Variants in WDFY2 observed in about 807,000 individuals in gnomAD.
The protein encoded by WDFY2 is WD repeat and FYVE domain containing 2.
In WDFY2, 36 loss-of-function variants were observed where a neutral mutation model predicts 56.4. That is an observed-to-expected ratio of 0.64 (90% CI 0.49 to 0.84). The LOEUF (loss-of-function observed/expected upper bound fraction) is 0.84, where lower values mean the gene tolerates loss of function less well. Among genes scored for constraint, WDFY2 ranks in the 40% least tolerant of loss-of-function variants. The pLI, the probability that WDFY2 is intolerant of heterozygous loss-of-function variation, is 0.00. For missense variants in WDFY2, 444 were observed against 512.2 expected (o/e 0.87, Z 1.29); for synonymous variants, 176 against 183.7 (o/e 0.96, Z 0.34).
chr13:51,679,957 C>T (rs1344501268), intron 3 of WDFY2, among the ~76,000 whole-genome samples: 2 of 152,142 alleles, frequency 1.3e-5, no homozygotes, highest in Non-Finnish European at 2.9e-5. Context: ...TGGAGTCTCG[C>T]TCTGTTGCCC....
intron 4 of WDFY2, among the ~76,000 whole-genome samples, chr13:51,715,981 C>G (rs538950309): frequency 6.6e-6 from 1 of 152,122 alleles, no homozygotes; most frequent in African/African-American, 2.4e-5. Context: ...GAAATAACCT[C>G]AATGTCCATC....
chr13:51,612,275 G>A (rs1954518522), intron 1 of WDFY2, among the ~76,000 whole-genome samples: 1 of 152,056 alleles, frequency 6.6e-6, no homozygotes, highest in African/African-American at 2.4e-5. Flanking sequence ...TCCCTGTTTA[G>A]GAGGGAACTG....
Position 51,739,104 on chromosome 13 carries a change from T to C in WDFY2, c.654T>C (p.Ser218=), listed in dbSNP as rs1275904683. The change falls in exon 7 of 12, where the codon AGT becomes AGC. Residue 218 remains serine (S), a synonymous_variant. Transcript: ENST00000298125. The stretch of plus-strand genomic sequence containing the variant: ...TCCAGCGGGTGTTGTTCTCAGGCAG[T>C]TCAGATCACTCTGTCATCATGTGGG... The part of the protein sequence containing the change: ...DPVQRVLFSG[S]SDHSVIMWDI... 1.9e-6 allele frequency: 3 copies of C among 1,603,586 alleles called. No homozygotes were observed. Among genetic ancestry groups the C allele is most frequent in the East Asian group, 4.5e-5 (2 of 44,350 alleles).
chr13:51,697,718 A>T (rs911801948), intron 3 of WDFY2, among the ~76,000 whole-genome samples: 9 of 152,180 alleles, frequency 5.9e-5, no homozygotes, highest in Non-Finnish European at 1.0e-4. Flanking sequence ...TTACGTAGCC[A>T]TTAAAATTCA....
chr13:51,602,778 T>C (rs533025908), intron 1 of WDFY2, among the ~76,000 whole-genome samples: 1 of 152,356 alleles, frequency 6.6e-6, no homozygotes, highest in East Asian at 1.9e-4. Flanking sequence ...AAATGACTAG[T>C]ATGACCTCCC....
At chr13:51,642,846 A>C (rs895420787) in intron 1 of WDFY2, among the ~76,000 whole-genome samples, 1 of 151,772 alleles carries the variant, frequency 6.6e-6, no homozygotes, top group African/African-American at 2.4e-5. Flanking sequence ...ATACCCAGCT[A>C]ATTTTTGTAT....
chr13:51,748,902 C>T (rs1467895045), intron 7 of WDFY2, among the ~76,000 whole-genome samples: 1 of 152,118 alleles, frequency 6.6e-6, no homozygotes, highest in Non-Finnish European at 1.5e-5. Context: ...TCATTTTTCT[C>T]TTTCATATTC....
At chr13:51,593,649 T>C (rs1954092529) in intron 1 of WDFY2, among the ~76,000 whole-genome samples, 1 of 152,198 alleles carries the variant, frequency 6.6e-6, no homozygotes. Flanking sequence ...GGCTGACTGG[T>C]GAATATTTTT....
At position 51,759,981 on chromosome 13, in the gene WDFY2, A is replaced by C. The variant is rs73494140; in HGVS notation, c.*212A>C. 602 of 499,834 alleles carry C rather than the reference A, an allele frequency of 1.2e-3. 2 individuals are homozygous for C. The highest frequency in any genetic ancestry group is 0.01 in the African/African-American group (528 of 52,476). The allele number at this position is 499,834 out of a possible 1,614,324, so 31.0% of individuals were successfully genotyped here. A position where few individuals can be genotyped will look rare whatever the true frequency, so the allele number is the denominator to read the frequency against. On this transcript the variant is annotated 3_prime_UTR_variant, in exon 12 of 12. Coordinates refer to ENST00000298125, the MANE Select transcript of WDFY2 (RefSeq NM_052950.4). Reference sequence around the variant, plus strand: ...CCAACTTGTTCATACAATATAAAAGAAGCTATTTTTTTAACAAATGGTTTA... The same window carrying C: ...CCAACTTGTTCATACAATATAAAAGCAGCTATTTTTTTAACAAATGGTTTA...
chr13:51,651,664 T>G (rs577677986), intron 1 of WDFY2, among the ~76,000 whole-genome samples: 1 of 152,358 alleles, frequency 6.6e-6, no homozygotes, highest in East Asian at 1.9e-4. Context: ...TGCCTTGATT[T>G]TGTTATGTAC....
rs768372007 is a variant in WDFY2 at position 51,758,132 on chromosome 13, ATC to A, written c.1065-53_1065-52del. The A allele has an allele frequency of 7.0e-5, 90 of 1,279,608 alleles. No homozygotes were observed. In the African/African-American group the frequency reaches 1.1e-3, roughly 15 times the overall value. The allele number at this position is 1,279,608 out of a possible 1,614,324, so 79.3% of individuals were successfully genotyped here. Reference sequence around the variant, plus strand: ...AATTTAGAGCCTAATGTCATCCTAGATCTCTCTCATTCATATGTCACCACCTT... The same window carrying A: ...AATTTAGAGCCTAATGTCATCCTAGATCTCTCATTCATATGTCACCACCTT... On this transcript the variant is annotated intron_variant, in intron 10 of 11. Coordinates refer to ENST00000298125, the MANE Select transcript of WDFY2 (RefSeq NM_052950.4).
chr13:51,672,999 G>A (rs1439075079), intron 2 of WDFY2, among the ~76,000 whole-genome samples: 1 of 152,208 alleles, frequency 6.6e-6, no homozygotes, highest in Non-Finnish European at 1.5e-5. Flanking sequence ...AACCAATAGG[G>A]TGAAATTGTC....
intron 8 of WDFY2, among the ~76,000 whole-genome samples, chr13:51,752,203 A>G (rs190056814): frequency 3.7e-4 from 56 of 152,314 alleles, no homozygotes; most frequent in African/African-American, 1.3e-3. Flanking sequence ...AGTAGTCGCT[A>G]TTACCCACAA....
intron 1 of WDFY2, among the ~76,000 whole-genome samples, chr13:51,634,999 C>T: frequency 6.6e-6 from 1 of 152,102 alleles, no homozygotes; most frequent in African/African-American, 2.4e-5. Flanking sequence ...AGTGCAGTGG[C>T]ACCACCTTGG....
chr13:51,638,810 T>C (rs1352462804), intron 1 of WDFY2, among the ~76,000 whole-genome samples: 1 of 152,262 alleles, frequency 6.6e-6, no homozygotes, highest in Admixed American at 6.5e-5. Flanking sequence ...TTACATGTTA[T>C]GCTTCATTAC....
intron 2 of WDFY2, among the ~76,000 whole-genome samples, chr13:51,670,940 A>T (rs1566101601): frequency 6.6e-6 from 1 of 152,248 alleles, no homozygotes; most frequent in East Asian, 1.9e-4. Context: ...CTCATAGCTT[A>T]GCTCCCACTT....
chr13:51,641,128 A>C (rs930461124), intron 1 of WDFY2, among the ~76,000 whole-genome samples: 9 of 151,950 alleles, frequency 5.9e-5, no homozygotes, highest in Non-Finnish European at 1.3e-4. Flanking sequence ...GCTGGAGTGC[A>C]GTGGTATGAT....
chr13:51,602,426 A>G (rs371739120), intron 1 of WDFY2, among the ~76,000 whole-genome samples: 3 of 152,270 alleles, frequency 2.0e-5, no homozygotes, highest in South Asian at 2.1e-4. Flanking sequence ...GTAGTAGGCT[A>G]TGTACCATAT....
At position 51,584,470 on chromosome 13, in the gene WDFY2, G is replaced by C; in HGVS notation, c.-218G>C. On this transcript the variant is annotated 5_prime_UTR_variant, in exon 1 of 12. Coordinates refer to ENST00000298125, the MANE Select transcript of WDFY2 (RefSeq NM_052950.4). Reference sequence around the variant, plus strand: ...CTCCGCCCCCTCCTCTTGTAGTGGCGCCGGCTTGCATCCCAGGTCGTGGCG... The same window carrying C: ...CTCCGCCCCCTCCTCTTGTAGTGGCCCCGGCTTGCATCCCAGGTCGTGGCG... 1.7e-6 allele frequency: 1 copy of C among 577,838 alleles called. No individual in the cohort carries two copies. The highest frequency in any genetic ancestry group is 2.6e-5 in the South Asian group (1 of 38,438). 35.8% of individuals were successfully genotyped at this position (577,838 alleles called of 1,614,324 possible).
Sources: gnomAD v4.1 joint callset for allele counts (sites outside exome capture counted in the v4.1 genomes callset) on GRCh38, gnomAD v4.1.1 for gene constraint, MANE v1.5 for transcripts, NCBI Gene and HGNC (gene_info 2026-07-23, HGNC 2026-07-21) for gene names.